Variants in HSD17B4 observed in about 807,000 individuals in gnomAD.
HSD17B4 encodes the protein hydroxysteroid 17-beta dehydrogenase 4.
A neutral mutation model predicts 101.0 loss-of-function variants in HSD17B4; 70 were observed. The observed-to-expected ratio is 0.69, with a 90% CI of 0.57 to 0.85. The LOEUF (loss-of-function observed/expected upper bound fraction) is 0.85. HSD17B4 is among the 40% of genes least tolerant of loss of function. The pLI, the probability that HSD17B4 is intolerant of heterozygous loss-of-function variation, is 0.00. For synonymous variants in HSD17B4, 347 were observed against 297.1 expected, an observed-to-expected ratio of 1.17 and a Z score of -1.73; for missense variants, 984 against 892.4, an observed-to-expected ratio of 1.10 and a Z score of -1.31.
chr5:119,511,048 G>GT (rs1752124093), intron 16 of HSD17B4, among the ~76,000 whole-genome samples: 1 of 152,178 alleles, frequency 6.6e-6, no homozygotes, highest in Non-Finnish European at 1.5e-5. Flanking sequence ...AGGTTCCGTG[G>GT]TTGGAGAGTC....
At chr5:119,530,767 C>CA (rs1242928272) in intron 21 of HSD17B4, among the ~76,000 whole-genome samples, 1 of 143,036 alleles carries the variant, frequency 7.0e-6, no homozygotes, top group East Asian at 2.2e-4. Flanking sequence ...GCAGGAGAAT[C>CA]ACGGGAACCC....
At position 119,527,152 on chromosome 5, in the gene HSD17B4, T is replaced by C. The variant is rs763390035; in HGVS notation, c.1700T>C (p.Val567Ala). Residue 567 changes from valine to alanine, a missense_variant, in exon 20 of 24, where the codon GTA becomes GCA. Transcript: ENST00000510025. Reference protein sequence around the residue: ...KAIKARFAKPVYPGQTLQTEM... With the variant: ...KAIKARFAKPAYPGQTLQTEM... The stretch of plus-strand genomic sequence containing the variant: ...TTAAAGGCTCGTTTTGCAAAACCAG[T>C]ATATCCAGGACAAACTCTACAAACT... 7 of 1,602,732 alleles carry C rather than the reference T, an allele frequency of 4.4e-6. No homozygotes were observed. In the Admixed American group the frequency reaches 6.7e-5, roughly 15 times the overall value.
intron 8 of HSD17B4, 54 bp from the exon 9 acceptor site, chr5:119,489,134 TAAGA>T: frequency 8.5e-7 from 1 of 1,174,974 alleles, no homozygotes. Flanking sequence ...ATTTTATAAG[TAAGA>T]AATTCTTAGA....
rs187432291 is a variant in HSD17B4 at position 119,480,779 on chromosome 5, G to A, written c.622+1758G>A. On this transcript the variant is annotated intron_variant, in intron 8 of 23. Transcript: ENST00000510025. ...TTATTTCACCCCTGCAGTCTCAACC[G>A]TAAGAGACAGGTACGCCCCGGGGGG... is the stretch of plus-strand genomic sequence containing the variant. Among the ~76,000 whole-genome samples the A allele has an allele frequency of 2.0e-3, 299 of 152,218 alleles. 2 individuals are homozygous for A. The highest frequency in any genetic ancestry group is 6.8e-3 in the African/African-American group (282 of 41,534).
At chr5:119,529,685 C>A (rs922558949) in intron 20 of HSD17B4, among the ~76,000 whole-genome samples, 1 of 152,066 alleles carries the variant, frequency 6.6e-6, no homozygotes, top group East Asian at 1.9e-4. Context: ...ATTATAAAGC[C>A]AGGTTTAGTA....
intron 12 of HSD17B4, among the ~76,000 whole-genome samples, chr5:119,496,886 A>T (rs527941290): frequency 1.3e-5 from 2 of 152,252 alleles, no homozygotes; most frequent in Non-Finnish European, 2.9e-5. Context: ...CAGAGTATTC[A>T]GGACAGTTGA....
intron 17 of HSD17B4, among the ~76,000 whole-genome samples, chr5:119,520,826 A>G (rs1360454128): frequency 2.0e-5 from 3 of 152,036 alleles, no homozygotes; most frequent in African/African-American, 7.3e-5. Flanking sequence ...ATCCATGACT[A>G]TCTAGTTTTT....
chr5:119,498,017 A>G (rs781008217), intron 12 of HSD17B4, among the ~76,000 whole-genome samples: 5 of 152,236 alleles, frequency 3.3e-5, no homozygotes, highest in Non-Finnish European at 5.9e-5. Flanking sequence ...GGCTGCAAGT[A>G]AAATGCTTCC....
intron 1 of HSD17B4, 112 bp downstream of exon 1, chr5:119,452,745 G>C: frequency 6.3e-7 from 1 of 1,594,422 alleles, no homozygotes; most frequent in Non-Finnish European, 8.5e-7. Context: ...TGAGGTGGTG[G>C]GGAGGGGAAT....
rs141467370 is a variant in HSD17B4 at position 119,513,799 on chromosome 5, A to G, written c.1438-1182A>G. Among the ~76,000 whole-genome samples, 411 of 152,356 alleles carry G rather than the reference A, an allele frequency of 2.7e-3. 7 individuals are homozygous for G. In the South Asian group the frequency reaches 0.046, roughly 17 times the overall value. ...TCAAGTCATGGTGAAGCCCTGTGCC[A>G]TAAACGAGTTTCTAGTCTGTTAACA... On this transcript the variant is annotated intron_variant, in intron 16 of 23. Transcript: ENST00000510025.
In HSD17B4 at chr5:119,475,838, G is replaced by C. The variant is rs25640; in HGVS notation, c.317G>C (p.Arg106Pro). 1 of 1,599,198 alleles carries C rather than the reference G, an allele frequency of 6.3e-7. No homozygotes were observed. Among genetic ancestry groups the C allele is most frequent in the Non-Finnish European group, 8.6e-7 (1 of 1,166,994 alleles). Reference sequence around the variant, plus strand: ...TGATTTTTTAGAATTCTGAGGGATCGTTCCTTTGCTAGGATAAGTGATGAA... The same window carrying C: ...TGATTTTTTAGAATTCTGAGGGATCCTTCCTTTGCTAGGATAAGTGATGAA... ...VVNNAGILRD[R>P]SFARISDEDW... The change falls in exon 6 of 24, where the codon CGT becomes CCT. Residue 106 changes from arginine to proline, a missense_variant. By Grantham distance (103) the Arg-to-Pro change is moderately radical (BLOSUM62 -2). Coordinates refer to ENST00000510025, the MANE Select transcript of HSD17B4 (RefSeq NM_000414.4).
intron 8 of HSD17B4, among the ~76,000 whole-genome samples, chr5:119,485,658 C>G (rs1257272590): frequency 3.3e-5 from 5 of 152,070 alleles, no homozygotes; most frequent in Non-Finnish European, 5.9e-5. Context: ...TGTTAAAGAA[C>G]CAGATATTAT....
intron 13 of HSD17B4, among the ~76,000 whole-genome samples, chr5:119,501,286 C>T (rs538287250): frequency 6.6e-6 from 1 of 151,622 alleles, no homozygotes; most frequent in African/African-American, 2.4e-5. Flanking sequence ...TTTGTCTTCT[C>T]ATCAACCACC....
intron 23 of HSD17B4, 119 bp from the exon 24 acceptor site, chr5:119,541,785 CT>C (rs1258738009): frequency 1.5e-6 from 1 of 683,444 alleles, no homozygotes; most frequent in Non-Finnish European, 2.6e-6. Flanking sequence ...TAAAGGTTGC[CT>C]TTGTTGTCCA....
chr5:119,472,162 T>C (rs1404229008), intron 2 of HSD17B4, among the ~76,000 whole-genome samples: 1 of 152,214 alleles, frequency 6.6e-6, no homozygotes, highest in Non-Finnish European at 1.5e-5. Flanking sequence ...TTTCTTTCAT[T>C]TTAGACACTG....
chr5:119,498,531 G>T (rs1750856258), intron 12 of HSD17B4, among the ~76,000 whole-genome samples: 1 of 152,162 alleles, frequency 6.6e-6, no homozygotes, highest in Non-Finnish European at 1.5e-5. Context: ...ACAACATCCA[G>T]TTAGACAAAG....
intron 7 of HSD17B4, 128 bp downstream of exon 7, chr5:119,477,629 A>G (rs1008191656): frequency 2.7e-6 from 2 of 752,470 alleles, no homozygotes; most frequent in Non-Finnish European, 2.4e-6. Flanking sequence ...CAACCTTTTA[A>G]CATATGGTTT....
Position 119,516,241 on chromosome 5 carries a change from A to C in HSD17B4, c.1503+1195A>C, listed in dbSNP as rs561708225. Among the ~76,000 whole-genome samples the C allele has an allele frequency of 2.1e-3, 322 of 152,294 alleles. 1 individual carries two copies. The highest frequency in any genetic ancestry group is 7.2e-3 in the African/African-American group (300 of 41,558). ...TTATGAATTTCTTAAGAATGTGCTC[A>C]TATTTATGTTTACATAAGGCTTAAT... On this transcript the variant is annotated intron_variant, in intron 17 of 23. Coordinates refer to ENST00000510025, the MANE Select transcript of HSD17B4 (RefSeq NM_000414.4).
chr5:119,488,044 CATT>C (rs1749765190), intron 8 of HSD17B4, among the ~76,000 whole-genome samples: 1 of 152,092 alleles, frequency 6.6e-6, no homozygotes, highest in African/African-American at 2.4e-5. Flanking sequence ...TACTTTAACA[CATT>C]AATACAAAAT....
Sources: gnomAD v4.1 joint callset for allele counts (sites outside exome capture counted in the v4.1 genomes callset) on GRCh38, gnomAD v4.1.1 for gene constraint, MANE v1.5 for transcripts, NCBI Gene and HGNC (gene_info 2026-07-23, HGNC 2026-07-21) for gene names.